GMDS: variants seen among roughly 807,000 people sequenced by gnomAD.
GMDS encodes the protein GDP-mannose 4,6-dehydratase, also known as GDP-mannose 4,6 dehydratase.
Under a neutral mutation model 49.9 loss-of-function variants are expected in GMDS, and 20 were observed. The ratio of observed to expected loss-of-function variants is 0.40; its 90% CI spans 0.28 to 0.58. GMDS has a LOEUF of 0.58. GMDS is among the 20% of genes least tolerant of loss of function. The pLI is 0.42. For synonymous variants in GMDS, 177 were observed against 178.6 expected, an observed-to-expected ratio of 0.99 and a Z score of 0.07; for missense variants, 362 against 481.4, an observed-to-expected ratio of 0.75 and a Z score of 2.32.
chr6:1,627,609 C>G (rs997186583), intron 9 of GMDS, among the ~76,000 whole-genome samples: 5 of 152,198 alleles, frequency 3.3e-5, no homozygotes, highest in Non-Finnish European at 2.9e-5. Context: ...GAAGAATGAG[C>G]TTATCTACTG....
intron 4 of GMDS, among the ~76,000 whole-genome samples, chr6:2,012,022 A>C (rs1767592470): frequency 6.6e-6 from 1 of 152,212 alleles, no homozygotes; most frequent in African/African-American, 2.4e-5. Flanking sequence ...ACAGAAAGTC[A>C]AATACTGTAT....
intron 7 of GMDS, among the ~76,000 whole-genome samples, chr6:1,785,875 C>T (rs1262588515): frequency 6.6e-6 from 1 of 152,200 alleles, no homozygotes; most frequent in Non-Finnish European, 1.5e-5. Context: ...CCTCTTACTC[C>T]CAAGAAGGGA....
intron 7 of GMDS, among the ~76,000 whole-genome samples, chr6:1,848,305 T>A (rs1403385917): frequency 6.6e-6 from 1 of 152,104 alleles, no homozygotes; most frequent in Non-Finnish European, 1.5e-5. Flanking sequence ...TGCTCATCTG[T>A]TCCCACCACC....
chr6:2,026,955 C>T (rs1768638793), intron 4 of GMDS, among the ~76,000 whole-genome samples: 2 of 152,100 alleles, frequency 1.3e-5, no homozygotes, highest in Admixed American at 1.3e-4. Context: ...GAACACAGAT[C>T]ATATAAGAAA....
At chr6:2,179,573 T>C (rs902235921) in intron 1 of GMDS, among the ~76,000 whole-genome samples, 1 of 152,220 alleles carries the variant, frequency 6.6e-6, no homozygotes, top group African/African-American at 2.4e-5. Flanking sequence ...GGCACCATCT[T>C]GGAAGTAGAG....
chr6:2,178,894 G>A (rs1778400145), intron 1 of GMDS, among the ~76,000 whole-genome samples: 1 of 152,102 alleles, frequency 6.6e-6, no homozygotes, highest in African/African-American at 2.4e-5. Flanking sequence ...TTAAAAAATG[G>A]TGTATACCAC....
At chr6:1,890,806 C>T (rs1759834015) in intron 7 of GMDS, among the ~76,000 whole-genome samples, 1 of 152,134 alleles carries the variant, frequency 6.6e-6, no homozygotes, top group Admixed American at 6.5e-5. Context: ...AAATAACAGA[C>T]ACAAATTTAG....
At chr6:1,823,847 T>C (rs1373110300) in intron 7 of GMDS, among the ~76,000 whole-genome samples, 1 of 152,064 alleles carries the variant, frequency 6.6e-6, no homozygotes, top group East Asian at 1.9e-4. Context: ...GAATCCAAAA[T>C]GGTCATGGAA....
intron 7 of GMDS, among the ~76,000 whole-genome samples, chr6:1,906,756 A>G (rs1015404114): frequency 2.0e-5 from 3 of 152,158 alleles, no homozygotes; most frequent in Non-Finnish European, 4.4e-5. Flanking sequence ...CAAGGAAAGG[A>G]GTAGGAGCTC....
intron 4 of GMDS, among the ~76,000 whole-genome samples, chr6:2,034,100 A>G (rs1443042179): frequency 6.6e-6 from 1 of 152,234 alleles, no homozygotes; most frequent in Non-Finnish European, 1.5e-5. Context: ...ATATGCATAT[A>G]TGTGTGTGTA....
chr6:2,202,149 G>A, intron 1 of GMDS, among the ~76,000 whole-genome samples: 1 of 141,634 alleles, frequency 7.1e-6, no homozygotes, highest in Admixed American at 7.1e-5. Flanking sequence ...TAGCAGAGAG[G>A]TGAAGGATGA....
intron 4 of GMDS, among the ~76,000 whole-genome samples, chr6:2,046,390 TA>T (rs35112883): frequency 6.6e-6 from 1 of 152,196 alleles, no homozygotes; most frequent in Non-Finnish European, 1.5e-5. Flanking sequence ...TAATCAAACC[TA>T]AAAAGTAACA....
At chr6:2,139,288 T>A (rs1296955639) in intron 1 of GMDS, among the ~76,000 whole-genome samples, 1 of 152,236 alleles carries the variant, frequency 6.6e-6, no homozygotes, top group East Asian at 1.9e-4. Context: ...GCACAAAATA[T>A]TTAATAAATA....
chr6:1,628,597 A>C (rs1581386293), intron 9 of GMDS, among the ~76,000 whole-genome samples: 1 of 152,214 alleles, frequency 6.6e-6, no homozygotes, highest in East Asian at 1.9e-4. Context: ...TGGATGCCAC[A>C]TTTCCTCAAC....
At chr6:2,029,438 G>A (rs1768821754) in intron 4 of GMDS, among the ~76,000 whole-genome samples, 1 of 152,130 alleles carries the variant, frequency 6.6e-6, no homozygotes, top group African/African-American at 2.4e-5. Context: ...TCAACTAAGA[G>A]ATATTAAAAG....
chr6:1,774,429 T>C (rs1332038491), intron 7 of GMDS, among the ~76,000 whole-genome samples: 5 of 152,232 alleles, frequency 3.3e-5, no homozygotes, highest in African/African-American at 1.2e-4. Flanking sequence ...GGCTCTCAGA[T>C]GAATTATGAG....
chr6:1,831,753 C>T (rs1369023412), intron 7 of GMDS, among the ~76,000 whole-genome samples: 2 of 152,104 alleles, frequency 1.3e-5, no homozygotes, highest in African/African-American at 4.8e-5. Flanking sequence ...TTTGCCAGAG[C>T]AAGCTAGCAT....
At chr6:2,021,249 A>G (rs1229638052) in intron 4 of GMDS, among the ~76,000 whole-genome samples, 3 of 152,202 alleles carry the variant, frequency 2.0e-5, no homozygotes, top group African/African-American at 7.2e-5. Context: ...TTTCTGGTCT[A>G]TTTATAACCA....
chr6:1,995,772 G>GCCA (rs1766238372), intron 4 of GMDS, among the ~76,000 whole-genome samples: 3 of 152,216 alleles, frequency 2.0e-5, no homozygotes, highest in Non-Finnish European at 2.9e-5. Flanking sequence ...CTTGGGAAGG[G>GCCA]CCAGGCTCTC....
Sources: allele counts gnomAD v4.1 joint callset (sites outside exome capture counted in the v4.1 genomes callset), GRCh38; gene constraint gnomAD v4.1.1; transcripts MANE v1.5; gene names NCBI Gene and HGNC (gene_info 2026-07-23, HGNC 2026-07-21).